The following HMCN1 variants were observed in gnomAD, a reference collection of about 807,000 sequenced individuals.
HMCN1 encodes the protein hemicentin-1.
In HMCN1, 321 loss-of-function variants were observed where a neutral mutation model predicts 625.9. The ratio of observed to expected loss-of-function variants is 0.51; its 90% CI spans 0.47 to 0.56. The LOEUF (loss-of-function observed/expected upper bound fraction) is 0.56, where lower values mean the gene tolerates loss of function less well. Ranked by LOEUF, HMCN1 falls within the 20% of genes least tolerant of loss-of-function variation. HMCN1 has a pLI of 0.00. For missense variants in HMCN1, 6,588 were observed against 6,887.3 expected (o/e 0.96, Z 1.54); for synonymous variants, 2,425 against 2,417.6 (o/e 1.00, Z -0.09).
intron 1 of HMCN1, among the ~76,000 whole-genome samples, chr1:185,828,897 A>T (rs966272865): frequency 6.6e-6 from 1 of 152,162 alleles, no homozygotes. Flanking sequence ...TAGTACTCTG[A>T]GTAGTGAATT....
chr1:185,808,162 A>G (rs1475173775), intron 1 of HMCN1, among the ~76,000 whole-genome samples: 1 of 151,996 alleles, frequency 6.6e-6, no homozygotes, highest in African/African-American at 2.4e-5. Context: ...CCTGACCAAT[A>G]TGGCGAAACG....
rs1228119336 is a variant in HMCN1 at position 186,055,308 on chromosome 1, T to C, written c.6863-85T>C. On this transcript the variant is annotated intron_variant, in intron 44 of 106. Transcript: ENST00000271588. Reference sequence around the variant, plus strand: ...TTATATTTTAACATAAAAATATATTTAAGTTTGGCTGATGAAAATTCCTAT... The same window carrying C: ...TTATATTTTAACATAAAAATATATTCAAGTTTGGCTGATGAAAATTCCTAT... The C allele has an allele frequency of 4.2e-6, 5 of 1,187,654 alleles. No homozygotes were observed. In the African/African-American group the frequency reaches 6.1e-5, roughly 14 times the overall value. The allele number at this position is 1,187,654 out of a possible 1,614,324, so 73.6% of individuals were successfully genotyped here. A position where few individuals can be genotyped will look rare whatever the true frequency, so the allele number is the denominator to read the frequency against.
chr1:185,921,762 G>A (rs1667018689), intron 6 of HMCN1, among the ~76,000 whole-genome samples: 1 of 152,156 alleles, frequency 6.6e-6, no homozygotes, highest in African/African-American at 2.4e-5. Flanking sequence ...GTCTTAGGTG[G>A]TTTTTGAAAT....
chr1:186,092,661 A>AT (rs1659903326), intron 64 of HMCN1, among the ~76,000 whole-genome samples: 2 of 84,684 alleles, frequency 2.4e-5, no homozygotes, highest in Admixed American at 1.2e-4. Context: ...TGTAGAAAAA[A>AT]AGTTTGCAAA....
chr1:186,078,162 A>G lies in HMCN1; in HGVS notation c.8541A>G (p.Thr2847=), dbSNP rs1202746897. ...AAGTAGAAGATGCTGGGAGATACAC[A>G]TGTGTGGCTGTGAATGAGGCTGGAG... ...RAKVEDAGRY[T]CVAVNEAGED... is the part of the protein sequence containing the mutation. The change falls in exon 55 of 107, where the codon ACA becomes ACG. Residue 2847 remains threonine, a synonymous_variant. Transcript: ENST00000271588. The G allele has an allele frequency of 1.2e-6, 2 of 1,613,720 alleles. No individual in the cohort carries two copies. Among genetic ancestry groups the G allele is most frequent in the African/African-American group, 2.7e-5 (2 of 74,914 alleles).
At chr1:185,741,737 TA>T (rs1348058040) in intron 1 of HMCN1, among the ~76,000 whole-genome samples, 1 of 152,206 alleles carries the variant, frequency 6.6e-6, no homozygotes, top group Non-Finnish European at 1.5e-5. Flanking sequence ...AAGAATTGGC[TA>T]ATCAGTTTAG....
intron 84 of HMCN1, 44 bp from the exon 85 acceptor site, chr1:186,130,463 C>T (rs1661871301): frequency 6.4e-7 from 1 of 1,559,950 alleles, no homozygotes; most frequent in Non-Finnish European, 8.8e-7. Flanking sequence ...AAGAAATTAT[C>T]AGCACTTACT....
intron 15 of HMCN1, among the ~76,000 whole-genome samples, chr1:185,976,183 G>A (rs1320954838): frequency 6.6e-6 from 1 of 152,104 alleles, no homozygotes; most frequent in East Asian, 1.9e-4. Flanking sequence ...GTAAGAGATG[G>A]CATCATAGAG....
At position 186,039,876 on chromosome 1, in the gene HMCN1, A is replaced by G. The variant is rs893307348; in HGVS notation, c.6177A>G (p.Leu2059=). Residue 2059 remains leucine (L), a synonymous_variant, in exon 39 of 107, where the codon TTA becomes TTG. Transcript: ENST00000271588. ...CTGTTTCTAGTTTTTCTAATGGATT[A>G]CAGGTACCTTCATTCATTTCTTTGG... The part of the protein sequence containing the change: ...GSPVSSFSNG[L]QVLSGGRILA... 13 of 1,612,948 alleles carry G rather than the reference A, an allele frequency of 8.1e-6. No homozygotes were observed. Among genetic ancestry groups the G allele is most frequent in the Non-Finnish European group, 9.3e-6 (11 of 1,179,270 alleles).
At chr1:185,752,759 A>G (rs1049189826) in intron 1 of HMCN1, among the ~76,000 whole-genome samples, 1 of 152,220 alleles carries the variant, frequency 6.6e-6, no homozygotes, top group Admixed American at 6.5e-5. Context: ...ATCTTTACCA[A>G]GTATTCAAGG....
intron 58 of HMCN1, 98 bp downstream of exon 58, chr1:186,086,505 C>A: frequency 7.9e-7 from 1 of 1,272,402 alleles, no homozygotes; most frequent in Non-Finnish European, 1.1e-6. Flanking sequence ...TTTTGTCGTG[C>A]TTCATTTATT....
intron 20 of HMCN1, among the ~76,000 whole-genome samples, chr1:185,988,596 G>C (rs1351373778): frequency 6.6e-6 from 1 of 152,220 alleles, no homozygotes; most frequent in Non-Finnish European, 1.5e-5. Context: ...AACTAGCACT[G>C]AGTAGAAGTT....
At chr1:185,827,972 G>A (rs1022190590) in intron 1 of HMCN1, among the ~76,000 whole-genome samples, 67 of 152,212 alleles carry the variant, frequency 4.4e-4, no homozygotes, top group African/African-American at 1.6e-3. Context: ...TGTGACTCAA[G>A]AATTTTATAA....
At chr1:185,957,682 C>T (rs772629598) in intron 11 of HMCN1, among the ~76,000 whole-genome samples, 245 of 152,216 alleles carry the variant, frequency 1.6e-3, no homozygotes, top group Middle Eastern at 3.4e-3. Context: ...TCCTTTTCTC[C>T]TTGATGTTTT....
chr1:186,145,220 A>G (rs183679205), intron 91 of HMCN1, among the ~76,000 whole-genome samples, 183 bp from the exon 92 acceptor site: 1 of 152,360 alleles, frequency 6.6e-6, no homozygotes, highest in Admixed American at 6.5e-5. Context: ...ATGCATACTC[A>G]GTTTCTAGTC....
Position 186,057,307 on chromosome 1 carries a change from G to A in HMCN1, c.7218G>A (p.Leu2406=), listed in dbSNP as rs1422771545. Residue 2406 remains leucine (L), a synonymous_variant, in exon 46 of 107, where the codon TTG becomes TTA. Coordinates refer to ENST00000271588, the MANE Select transcript of HMCN1 (RefSeq NM_031935.3). ...TGGTAGAAAAGAACTCAGTATCTTT[G>A]ACTTGTGAAGCTTCTGGAATTCCCC... ...ISVVEKNSVS[L]TCEASGIPLP... is the part of the protein sequence containing the mutation. 1.2e-6 allele frequency: 2 copies of A among 1,610,332 alleles called. No homozygotes were observed. The highest frequency in any genetic ancestry group is 1.7e-6 in the Non-Finnish European group (2 of 1,177,132).
In HMCN1 at chr1:186,151,649, T is replaced by C. The variant is rs1189187715; in HGVS notation, c.14802T>C (p.Tyr4934=). The change falls in exon 95 of 107, where the codon TAT becomes TAC. Residue 4934 remains tyrosine (Y), a synonymous_variant. Transcript: ENST00000271588. ...TAGTTTCTATTCTAAATCCCATTTA[T>C]TGGACAACAGCAAAGGAAATAGGAG... ...RKIVSILNPI[Y]WTTAKEIGEA... 11 of 1,612,800 alleles carry C rather than the reference T, an allele frequency of 6.8e-6. No individual in the cohort carries two copies. Among genetic ancestry groups the C allele is most frequent in the South Asian group, 1.1e-5 (1 of 91,064 alleles).
chr1:185,949,673 G>A (rs1668539602), intron 11 of HMCN1, among the ~76,000 whole-genome samples: 1 of 151,896 alleles, frequency 6.6e-6, no homozygotes, highest in Non-Finnish European at 1.5e-5. Context: ...AATTATGTCT[G>A]ACAGAAGGGA....
chr1:186,152,740 TA>T lies in HMCN1; in HGVS notation c.14897-8del, dbSNP rs1188544618. On this transcript the variant is annotated splice_polypyrimidine_tract_variant and intron_variant, in intron 95 of 106. Coordinates refer to ENST00000271588, the MANE Select transcript of HMCN1 (RefSeq NM_031935.3). ...TTTTGCTGTCAAAATGAATGTCTTG[TA>T]ATTCCCAGGAGAAATCTTGCAGATG... 6 of 1,613,614 alleles carry T rather than the reference TA, an allele frequency of 3.7e-6. No individual in the cohort carries two copies. In the Admixed American group the frequency reaches 5.0e-5, roughly 13 times the overall value.
Sources: gnomAD v4.1 joint callset for allele counts (sites outside exome capture counted in the v4.1 genomes callset) on GRCh38, gnomAD v4.1.1 for gene constraint, MANE v1.5 for transcripts, NCBI Gene and HGNC (gene_info 2026-07-23, HGNC 2026-07-21) for gene names.